The following IRS1 variants were observed in gnomAD, a reference collection of about 807,000 sequenced individuals.
The protein encoded by IRS1 is insulin receptor substrate 1.
IRS1 carries 34 observed loss-of-function variants against 65.6 expected under a neutral mutation model. That is an observed-to-expected ratio of 0.52 (90% CI 0.39 to 0.69). The LOEUF is 0.69. Ranked by LOEUF, IRS1 falls within the 30% of genes least tolerant of loss-of-function variation. IRS1 has a pLI of 0.00. For synonymous variants in IRS1, 699 were observed against 683.5 expected, an observed-to-expected ratio of 1.02 and a Z score of -0.35; for missense variants, 1,641 against 1,720.2, an observed-to-expected ratio of 0.95 and a Z score of 0.81.
rs973649983 is a variant in IRS1, at chr2:226,795,104, C to A, written c.3635G>T (p.Gly1212Val). Residue 1212 changes from glycine to valine, a missense_variant, in exon 1 of 2, where the codon GGC (glycine) becomes GTC (valine). This residue lies in a region of IRS1 where 1,324 missense variants were observed against 1,361.0 expected (regional missense o/e 0.97). Transcript: ENST00000305123. ...GCGGGTGGAGCTGCTCTCACCGCTG[C>A]CCAGGGGTTGATGAGGGGGTGGGGG... ...PPPPPPHQPL[G>V]SGESSSTRRS... 8 of 1,506,506 alleles carry A rather than the reference C, an allele frequency of 5.3e-6. No homozygotes were observed. The highest frequency in any genetic ancestry group is 7.3e-6 in the Non-Finnish European group (8 of 1,096,858). 93.3% of individuals were successfully genotyped at this position (1,506,506 alleles called of 1,614,324 possible).
intron 1 of IRS1, among the ~76,000 whole-genome samples, chr2:226,737,095 C>A: frequency 1.7e-5 from 2 of 114,492 alleles, no homozygotes; most frequent in South Asian, 3.6e-4. Flanking sequence ...CTCCCCCCTC[C>A]CCCCACCCCA....
chr2:226,794,855 T>A lies in IRS1; in HGVS notation c.*21+134A>T. 1 of 810,548 alleles carries A rather than the reference T, an allele frequency of 1.2e-6. No homozygotes were observed. Among genetic ancestry groups the A allele is most frequent in the Non-Finnish European group, 2.1e-6 (1 of 472,190 alleles). 50.2% of individuals were successfully genotyped at this position (810,548 alleles called of 1,614,324 possible). Reference sequence around the variant, plus strand: ...GTCAGTGTGGGGTGAGCATCTTGTGTGCCCTGAGAATGTAAGTGCATTCTC... The same window carrying A: ...GTCAGTGTGGGGTGAGCATCTTGTGAGCCCTGAGAATGTAAGTGCATTCTC... On this transcript the variant is annotated intron_variant, in intron 1 of 1. Transcript: ENST00000305123. The surrounding 1 kb of genome is among the most constrained non-coding windows in gnomAD (Gnocchi z 4.1).
In IRS1 at chr2:226,796,055, T is replaced by C. The variant is rs778801905; in HGVS notation, c.2684A>G (p.Glu895Gly). ...ACTCCCAAATTCAATATTGACATAT[T>C]CCCCCGGGCTCTTGGGCTCTGGAGG... ...LHPPEPKSPGEYVNIEFGSDQ... is the reference protein window; with the variant it reads ...LHPPEPKSPGGYVNIEFGSDQ... The change falls in exon 1 of 2, where the codon GAA (glutamate) becomes GGA (glycine). Residue 895 changes from glutamate to glycine, a missense_variant. Glu to Gly is a moderately conservative substitution (Grantham distance 98). Coordinates refer to ENST00000305123, the MANE Select transcript of IRS1 (RefSeq NM_005544.3). The C allele has an allele frequency of 6.2e-7, 1 of 1,613,866 alleles. No individual in the cohort carries two copies. The highest frequency in any genetic ancestry group is 8.5e-7 in the Non-Finnish European group (1 of 1,180,028).
At chr2:226,738,093 A>G (rs1401481122) in intron 1 of IRS1, among the ~76,000 whole-genome samples, 1 of 152,188 alleles carries the variant, frequency 6.6e-6, no homozygotes. Flanking sequence ...AGCTAAGAGG[A>G]CTTTATCTAA....
In IRS1 at chr2:226,799,774, GA is replaced by G. The variant is rs1939855503; in HGVS notation, c.-1037del. On this transcript the variant is annotated 5_prime_UTR_variant, in exon 1 of 2. Coordinates refer to ENST00000305123, the MANE Select transcript of IRS1 (RefSeq NM_005544.3). This position sits in a 1 kb window ranked among gnomAD's most constrained non-coding sequence, Gnocchi z 6.1. ...CCGCGCCGCCGTCTCACTCGGAGGA[GA>G]AAAACACGTGACGGAGCCTCCGCGC... 1.0e-6 allele frequency: 1 copy of G among 996,402 alleles called. No homozygotes were observed. The highest frequency in any genetic ancestry group is 1.7e-5 in the African/African-American group (1 of 57,312). 61.7% of individuals were successfully genotyped at this position (996,402 alleles called of 1,614,324 possible). A position where few individuals can be genotyped will look rare whatever the true frequency, so the allele number is the denominator to read the frequency against.
At chr2:226,758,746 T>TA (rs542497767) in intron 1 of IRS1, among the ~76,000 whole-genome samples, 12 of 148,216 alleles carry the variant, frequency 8.1e-5, no homozygotes, top group South Asian at 2.1e-4. Flanking sequence ...ACAGGGAGTT[T>TA]AAAAAAAAAA....
At chr2:226,736,862 TC>T (rs1938334929) in intron 1 of IRS1, among the ~76,000 whole-genome samples, 1 of 152,200 alleles carries the variant, frequency 6.6e-6, no homozygotes, top group South Asian at 2.1e-4. Flanking sequence ...GCACAGCATT[TC>T]TTCTTTGCAA....
At chr2:226,770,592 A>C (rs537592589) in intron 1 of IRS1, among the ~76,000 whole-genome samples, 1 of 152,354 alleles carries the variant, frequency 6.6e-6, no homozygotes, top group South Asian at 2.1e-4. Context: ...TATAACATAC[A>C]GTCTTTGGAC....
chr2:226,794,717 G>C lies in IRS1; in HGVS notation c.*21+272C>G, dbSNP rs1939673849. On this transcript the variant is annotated intron_variant, in intron 1 of 1. Coordinates refer to ENST00000305123, the MANE Select transcript of IRS1 (RefSeq NM_005544.3). This position sits in a 1 kb window ranked among gnomAD's most constrained non-coding sequence, Gnocchi z 4.1. ...GAGGAACTCTACAAAACGCAGAACT[G>C]GCATAGGATATATGTTTTAAAAATA... Among the ~76,000 whole-genome samples the C allele has an allele frequency of 6.6e-6, 1 of 152,216 alleles. No homozygotes were observed. Among genetic ancestry groups the C allele is most frequent in the Non-Finnish European group, 1.5e-5 (1 of 68,044 alleles).
At chr2:226,766,011 C>T (rs377344280) in intron 1 of IRS1, among the ~76,000 whole-genome samples, 4 of 148,264 alleles carry the variant, frequency 2.7e-5, no homozygotes, top group South Asian at 2.2e-4. Context: ...TTTTCCTTCA[C>T]GTTTCAACTT....
At position 226,797,185 on chromosome 2, in the gene IRS1, A is replaced by T; in HGVS notation, c.1554T>A (p.Asp518Glu). Residue 518 changes from aspartate (D) to glutamate (E), a missense_variant, in exon 1 of 2, where the codon GAT becomes GAA. By Grantham distance (45) the Asp-to-Glu change is conservative. This residue lies in a region of IRS1 where 1,324 missense variants were observed against 1,361.0 expected (regional missense o/e 0.97). Coordinates refer to ENST00000305123, the MANE Select transcript of IRS1 (RefSeq NM_005544.3). This position sits in a 1 kb window ranked among gnomAD's most constrained non-coding sequence, Gnocchi z 8.1. Reference sequence around the variant, plus strand: ...AGTGAGTTCTCTTTCGGAACCGATTATCCAGATCTGCAGCACTGGCTGCTT... The same window carrying T: ...AGTGAGTTCTCTTTCGGAACCGATTTTCCAGATCTGCAGCACTGGCTGCTT... ...GDEAASAADL[D>E]NRFRKRTHSA... 6.2e-7 allele frequency: 1 copy of T among 1,613,952 alleles called. No homozygotes were observed. The highest frequency in any genetic ancestry group is 8.5e-7 in the Non-Finnish European group (1 of 1,180,016).
At chr2:226,787,932 C>T (rs2106180288) in intron 1 of IRS1, among the ~76,000 whole-genome samples, 1 of 151,948 alleles carries the variant, frequency 6.6e-6, no homozygotes, top group Admixed American at 6.6e-5. Context: ...TATTATTTTG[C>T]TAGCTCACTT....
rs772198555 is a variant in IRS1, at chr2:226,797,404, G to T, written c.1335C>A (p.Val445=). Residue 445 remains valine (V), a synonymous_variant, in exon 1 of 2, where the codon GTC becomes GTA. Transcript: ENST00000305123. The surrounding 1 kb of genome is among the most constrained non-coding windows in gnomAD (Gnocchi z 8.1). The stretch of plus-strand genomic sequence containing the variant: ...GGGTGTGGCCCAGGGAATCCGGAGT[G>T]ACACTGCGGAAGGAACTCCGGAAAT... ...PCDFRSSFRS[V]TPDSLGHTPP... is the part of the protein sequence containing the mutation. 2 of 1,612,506 alleles carry T rather than the reference G, an allele frequency of 1.2e-6. No individual in the cohort carries two copies. The highest frequency in any genetic ancestry group is 1.7e-6 in the Non-Finnish European group (2 of 1,179,330).
rs1443654460 is a variant in IRS1, at chr2:226,733,624, T to C, written c.*2648A>G. 1 of 152,236 alleles carries C rather than the reference T, an allele frequency of 6.6e-6. No homozygotes were observed. Among genetic ancestry groups the C allele is most frequent in the Middle Eastern group, 3.2e-3 (1 of 316 alleles). 9.4% of individuals were successfully genotyped at this position (152,236 alleles called of 1,614,324 possible). On this transcript the variant is annotated 3_prime_UTR_variant, in exon 2 of 2. Coordinates refer to ENST00000305123, the MANE Select transcript of IRS1 (RefSeq NM_005544.3). ...AACTTCTAGGTTAACCAGAGGCCAC[T>C]AGAAGCCTCAATAATGAAAGCCCTT...
intron 1 of IRS1, among the ~76,000 whole-genome samples, chr2:226,777,480 T>C (rs1939296994): frequency 6.6e-6 from 1 of 152,240 alleles, no homozygotes; most frequent in Non-Finnish European, 1.5e-5. Context: ...GAATTATTGT[T>C]CTTCATAGAA....
chr2:226,781,905 C>CACACACAT (rs1426885008), intron 1 of IRS1, among the ~76,000 whole-genome samples: 35 of 150,344 alleles, frequency 2.3e-4, no homozygotes, highest in African/African-American at 7.6e-4. Flanking sequence ...CACACACACA[C>CACACACAT]ACGTTTGGGC....
At chr2:226,743,033 A>T (rs1447040107) in intron 1 of IRS1, among the ~76,000 whole-genome samples, 1 of 152,188 alleles carries the variant, frequency 6.6e-6, no homozygotes, top group Non-Finnish European at 1.5e-5. Context: ...CATGCTGATA[A>T]AGAAAATGAG....
At chr2:226,784,444 T>TA (rs1056273651) in intron 1 of IRS1, among the ~76,000 whole-genome samples, 7 of 152,224 alleles carry the variant, frequency 4.6e-5, no homozygotes, top group South Asian at 4.1e-4. Context: ...ATTTTTTAGA[T>TA]AGAGTTTCGC....
intron 1 of IRS1, among the ~76,000 whole-genome samples, chr2:226,789,597 A>T (rs759809671): frequency 2.3e-4 from 35 of 152,214 alleles, no homozygotes; most frequent in Non-Finnish European, 4.4e-4. Context: ...TACAAATGAG[A>T]CACATTATCC....
Sources: allele counts gnomAD v4.1 joint callset (sites outside exome capture counted in the v4.1 genomes callset), GRCh38; gene constraint gnomAD v4.1.1; regional missense constraint gnomAD v4.1.1; non-coding constraint Gnocchi (gnomAD v3.1); transcripts MANE v1.5; gene names NCBI Gene and HGNC (gene_info 2026-07-23, HGNC 2026-07-21).